Variants in TEAD1 observed in about 807,000 individuals in gnomAD.
The protein encoded by TEAD1 is transcriptional enhancer factor TEF-1.
TEAD1 carries 9 observed loss-of-function variants against 54.9 expected under a neutral mutation model. The observed-to-expected ratio is 0.16, with a 90% CI of 0.10 to 0.29. The LOEUF is 0.29. Among genes scored for constraint, TEAD1 ranks in the 10% least tolerant of loss-of-function variants. TEAD1 has a pLI of 1.00. For synonymous variants in TEAD1, 200 were observed against 187.8 expected, an observed-to-expected ratio of 1.07 and a Z score of -0.53; for missense variants, 387 against 535.9, an observed-to-expected ratio of 0.72 and a Z score of 2.74.
At chr11:12,933,766 T>TC (rs1949052779) in intron 12 of TEAD1, among the ~76,000 whole-genome samples, 1 of 152,182 alleles carries the variant, frequency 6.6e-6, no homozygotes, top group Admixed American at 6.5e-5. Context: ...AGGTCATTTT[T>TC]CTCATTTTAT....
rs1564937756 is a variant in TEAD1, at chr11:12,781,982, AAGAAAAAG to A, written c.202+17550_202+17557del. 3.8e-3 allele frequency among the ~76,000 whole-genome samples: 515 copies of A among 135,158 alleles called. 28 individuals carry two copies. Among genetic ancestry groups the A allele is most frequent in the African/African-American group, 0.019 (491 of 26,342 alleles). 88.7% of individuals were successfully genotyped at this position (135,158 alleles called of 152,430 possible). A position where few individuals can be genotyped will look rare whatever the true frequency, so the allele number is the denominator to read the frequency against. ...AAAAAAAAAAAAAAAGAAAGAAAAA[AAGAAAAAG>A]AAAAAAAAAATTAGCCAAGCGTGGT... On this transcript the variant is annotated intron_variant, in intron 3 of 12. Coordinates refer to ENST00000527636, the MANE Select transcript of TEAD1 (RefSeq NM_021961.6).
At chr11:12,794,935 T>C (rs1313815121) in intron 3 of TEAD1, among the ~76,000 whole-genome samples, 1 of 152,234 alleles carries the variant, frequency 6.6e-6, no homozygotes, top group Non-Finnish European at 1.5e-5. Flanking sequence ...GGTGAGCACC[T>C]TCACCTGATT....
chr11:12,761,495 C>T (rs10831906), intron 2 of TEAD1, among the ~76,000 whole-genome samples: 66,870 of 151,942 alleles, frequency 0.44, 15,410 homozygotes, highest in South Asian at 0.6. Flanking sequence ...GGAATAAATA[C>T]AAACGCCTGC....
chr11:12,821,932 C>T (rs1946554421), intron 3 of TEAD1, among the ~76,000 whole-genome samples: 1 of 145,496 alleles, frequency 6.9e-6, no homozygotes, highest in African/African-American at 2.6e-5. Context: ...TTCCTCTTTT[C>T]CTATACTCTC....
chr11:12,920,706 G>A (rs1178949845), intron 10 of TEAD1, among the ~76,000 whole-genome samples: 9 of 152,222 alleles, frequency 5.9e-5, no homozygotes, highest in Non-Finnish European at 1.3e-4. Flanking sequence ...CTAGTACAAT[G>A]TTAGCTTACA....
chr11:12,732,703 T>C (rs912462484), intron 2 of TEAD1, among the ~76,000 whole-genome samples: 4 of 152,158 alleles, frequency 2.6e-5, no homozygotes, highest in African/African-American at 9.7e-5. Context: ...GGACAGTTGG[T>C]GAATGCCCAA....
At chr11:12,801,667 A>T (rs1946062605) in intron 3 of TEAD1, among the ~76,000 whole-genome samples, 1 of 152,230 alleles carries the variant, frequency 6.6e-6, no homozygotes. Flanking sequence ...CCATGCTCTT[A>T]GGTGGATTTT....
chr11:12,691,491 C>T (rs1027327529), intron 2 of TEAD1, among the ~76,000 whole-genome samples: 3 of 152,182 alleles, frequency 2.0e-5, no homozygotes, highest in African/African-American at 7.2e-5. Context: ...TGGATCCTGC[C>T]TGCCATGTCA....
At chr11:12,917,846 G>A (rs529282934) in intron 10 of TEAD1, among the ~76,000 whole-genome samples, 1 of 152,138 alleles carries the variant, frequency 6.6e-6, no homozygotes, top group Non-Finnish European at 1.5e-5. Context: ...TCTAAGTGTT[G>A]TTTTTTAACA....
chr11:12,675,007 C>G (rs997465929), intron 1 of TEAD1, among the ~76,000 whole-genome samples, 173 bp downstream of exon 1: 2 of 147,904 alleles, frequency 1.4e-5, no homozygotes, highest in Non-Finnish European at 3.0e-5. Flanking sequence ...TCCCCGCGCC[C>G]CCTCCGAGGT....
rs1243570522 is a variant in TEAD1 at position 12,902,102 on chromosome 11, G to A, written c.862G>A (p.Val288Ile). 3.7e-6 allele frequency: 6 copies of A among 1,614,096 alleles called. No individual in the cohort carries two copies. The highest frequency in any genetic ancestry group is 5.1e-6 in the Non-Finnish European group (6 of 1,180,054). The change falls in exon 10 of 13, where the codon GTA (valine) becomes ATA (isoleucine). Residue 288 changes from valine to isoleucine, a missense_variant. This residue lies in a region of TEAD1 where 123 missense variants were observed against 199.0 expected (regional missense o/e 0.62). Coordinates refer to ENST00000527636, the MANE Select transcript of TEAD1 (RefSeq NM_021961.6). ...GGGCCCTCAAAATGCCTTCTTCCTC[G>A]TAAAATTCTGGGTGAGTAAGACATT... is the stretch of plus-strand genomic sequence containing the variant.
At position 12,800,496 on chromosome 11, in the gene TEAD1, C is replaced by T. The variant is rs568719982; in HGVS notation, c.202+36062C>T. 3.9e-5 allele frequency among the ~76,000 whole-genome samples: 6 copies of T among 152,282 alleles called. No individual in the cohort carries two copies. In the South Asian group the frequency reaches 1.2e-3, roughly 32 times the overall value. On this transcript the variant is annotated intron_variant, in intron 3 of 12. Coordinates refer to ENST00000527636, the MANE Select transcript of TEAD1 (RefSeq NM_021961.6). ...CTGACAGGAAACACAGCGATGGTTC[C>T]TGCTGTGTTAGAGATACGTTCAGAG...
At chr11:12,795,651 C>A (rs953157389) in intron 3 of TEAD1, among the ~76,000 whole-genome samples, 2 of 152,282 alleles carry the variant, frequency 1.3e-5, no homozygotes, top group Admixed American at 6.5e-5. Context: ...CACCTGTGGT[C>A]CATGGACCAA....
At chr11:12,881,103 CGTGG>C in intron 7 of TEAD1, 52 bp downstream of exon 7, 2 of 1,581,786 alleles carry the variant, frequency 1.3e-6, no homozygotes, top group Non-Finnish European at 1.7e-6. Context: ...TCCCAGCCCA[CGTGG>C]GGAGAGCTCT....
chr11:12,796,668 G>A (rs1945932732), intron 3 of TEAD1, among the ~76,000 whole-genome samples: 1 of 151,928 alleles, frequency 6.6e-6, no homozygotes, highest in Non-Finnish European at 1.5e-5. Flanking sequence ...TGAGGCTTCA[G>A]TGAGCCATGA....
At chr11:12,852,027 T>C (rs1271700840) in intron 3 of TEAD1, among the ~76,000 whole-genome samples, 4 of 151,960 alleles carry the variant, frequency 2.6e-5, no homozygotes, top group Non-Finnish European at 5.9e-5. Flanking sequence ...CCCACAGACA[T>C]TGGGGAGGAA....
intron 3 of TEAD1, among the ~76,000 whole-genome samples, chr11:12,791,121 C>T (rs1945793614): frequency 6.6e-6 from 1 of 152,162 alleles, no homozygotes; most frequent in African/African-American, 2.4e-5. Context: ...TTAGGACACC[C>T]TATAGAGGAG....
intron 3 of TEAD1, among the ~76,000 whole-genome samples, chr11:12,856,130 C>CTT (rs60226571): frequency 0.28 from 39,471 of 140,788 alleles, 7,165 homozygotes; most frequent in East Asian, 0.67. Context: ...TATCTTCTTC[C>CTT]TTTTTTTTTT....
chr11:12,783,279 AG>A (rs1200509771), intron 3 of TEAD1, among the ~76,000 whole-genome samples: 1 of 144,062 alleles, frequency 6.9e-6, no homozygotes, highest in African/African-American at 2.7e-5. Context: ...TGATTTTTGC[AG>A]GGTGTCTTTG....
Sources: allele counts gnomAD v4.1 joint callset (sites outside exome capture counted in the v4.1 genomes callset), GRCh38; gene constraint gnomAD v4.1.1; regional missense constraint gnomAD v4.1.1; transcripts MANE v1.5; gene names NCBI Gene and HGNC (gene_info 2026-07-23, HGNC 2026-07-21).